SIGLEC12: variants seen among roughly 807,000 people sequenced by gnomAD.
The protein encoded by SIGLEC12 is sialic acid-binding Ig-like lectin 12.
SIGLEC12 carries 43 observed loss-of-function variants against 54.1 expected under a neutral mutation model. That is an observed-to-expected ratio of 0.80 (90% CI 0.62 to 1.03). The LOEUF (loss-of-function observed/expected upper bound fraction) is 1.03, where lower values mean the gene tolerates loss of function less well. SIGLEC12 is among the 50% of genes least tolerant of loss of function. SIGLEC12 has a pLI of 0.00. For missense variants in SIGLEC12, 802 were observed against 735.2 expected (o/e 1.09, Z -1.05); for synonymous variants, 357 against 307.6 (o/e 1.16, Z -1.68).
chr19:51,496,873 C>T lies in SIGLEC12; in HGVS notation c.1599+7G>A. On this transcript the variant is annotated splice_region_variant and intron_variant, in intron 7 of 7. Coordinates refer to ENST00000291707, the MANE Select transcript of SIGLEC12 (RefSeq NM_053003.4). ...GGGAGAAGGGCTGTGATTCAATGCT[C>T]ACTCACCTGAGAGGCTGAGCCCCTG... 6.2e-7 allele frequency: 1 copy of T among 1,613,582 alleles called. No homozygotes were observed. Among genetic ancestry groups the T allele is most frequent in the South Asian group, 1.1e-5 (1 of 91,076 alleles).
rs1262644615 is a variant in SIGLEC12 at position 51,499,224 on chromosome 19, C to G, written c.1088-7G>C. On this transcript the variant is annotated splice_polypyrimidine_tract_variant and splice_region_variant and intron_variant, in intron 3 of 7. Transcript: ENST00000291707. ...GTCAAGTTCTGAGGAGGATCTGGAA[C>G]AGAAAGACACGGAGTTCCCATCACT... 1 of 1,614,050 alleles carries G rather than the reference C, an allele frequency of 6.2e-7. No homozygotes were observed. The highest frequency in any genetic ancestry group is 1.1e-5 in the South Asian group (1 of 91,082).
chr19:51,497,918 G>A, intron 5 of SIGLEC12, 100 bp downstream of exon 5: 1 of 1,504,206 alleles, frequency 6.6e-7, no homozygotes, highest in South Asian at 1.3e-5. Context: ...GCAGCAAGAG[G>A]ACTGTGATGC....
chr19:51,499,500 C>G lies in SIGLEC12; in HGVS notation c.1025G>C (p.Cys342Ser). 1 of 1,608,166 alleles carries G rather than the reference C, an allele frequency of 6.2e-7. No homozygotes were observed. The highest frequency in any genetic ancestry group is 8.5e-7 in the Non-Finnish European group (1 of 1,177,398). ...GCCGGCCCCAGGCAAGGTCACCTGA[C>G]AGGTGAGGCTGGTGCCATGGTCCTG... ...QPQDHGTSLT[C>S]QVTLPGAGVT... is the part of the protein sequence containing the mutation. The change falls in exon 3 of 8, where the codon TGT becomes TCT. Residue 342 changes from cysteine (C) to serine (S), a missense_variant. By Grantham distance (112) the Cys-to-Ser change is moderately radical. Transcript: ENST00000291707.
chr19:51,492,763 A>G (rs1447531621), intron 7 of SIGLEC12, among the ~76,000 whole-genome samples: 1 of 152,158 alleles, frequency 6.6e-6, no homozygotes, highest in Non-Finnish European at 1.5e-5. Context: ...AAGGTGAGAA[A>G]GCGCATCCTC....
In SIGLEC12 at chr19:51,499,502, G is replaced by A. The variant is rs1189540562; in HGVS notation, c.1023C>T (p.Thr341=). 2 of 1,608,604 alleles carry A rather than the reference G, an allele frequency of 1.2e-6. No individual in the cohort carries two copies. Among genetic ancestry groups the A allele is most frequent in the Non-Finnish European group, 1.7e-6 (2 of 1,177,506 alleles). Residue 341 remains threonine (T), a synonymous_variant, in exon 3 of 8, where the codon ACC becomes ACT. Coordinates refer to ENST00000291707, the MANE Select transcript of SIGLEC12 (RefSeq NM_053003.4). ...PQPQDHGTSL[T]CQVTLPGAGV... ...CGGCCCCAGGCAAGGTCACCTGACAGGTGAGGCTGGTGCCATGGTCCTGGG... is the reference window on the plus strand; with the variant it reads ...CGGCCCCAGGCAAGGTCACCTGACAAGTGAGGCTGGTGCCATGGTCCTGGG...
At chr19:51,498,657 C>G (rs1990307628) in intron 4 of SIGLEC12, among the ~76,000 whole-genome samples, 1 of 152,154 alleles carries the variant, frequency 6.6e-6, no homozygotes, top group Admixed American at 6.5e-5. Context: ...ACTATTCAGA[C>G]AGTGGAATGA....
At position 51,491,364 on chromosome 19, in the gene SIGLEC12, T is replaced by C; in HGVS notation, c.*277A>G. 2 of 426,250 alleles carry C rather than the reference T, an allele frequency of 4.7e-6. No individual in the cohort carries two copies. The highest frequency in any genetic ancestry group is 8.5e-6 in the Non-Finnish European group (2 of 234,414). The allele number at this position is 426,250 out of a possible 1,614,324, so 26.4% of individuals were successfully genotyped here. ...GCCAGGTACAGAGAGACAAACACTC[T>C]ACGATCTCACTATATTTGGAACCTA... On this transcript the variant is annotated 3_prime_UTR_variant, in exon 8 of 8. Transcript: ENST00000291707.
intron 1 of SIGLEC12, among the ~76,000 whole-genome samples, chr19:51,500,909 C>T (rs967384469): frequency 1.3e-5 from 2 of 152,062 alleles, no homozygotes; most frequent in African/African-American, 4.8e-5. Flanking sequence ...ACTTAACCCC[C>T]CAGGACGTTT....
At chr19:51,497,156 G>A (rs1990264148) in intron 6 of SIGLEC12, among the ~76,000 whole-genome samples, 180 bp from the exon 7 acceptor site, 1 of 152,146 alleles carries the variant, frequency 6.6e-6, no homozygotes, top group Non-Finnish European at 1.5e-5. Context: ...GGGCAGTAGG[G>A]TCTGAGGTTT....
Position 51,491,822 on chromosome 19 carries a change from A to AG in SIGLEC12, c.1606dup (p.Leu536ProfsTer3). 1 of 1,564,718 alleles carries AG rather than the reference A, an allele frequency of 6.4e-7. No homozygotes were observed. The highest frequency in any genetic ancestry group is 1.4e-5 in the African/African-American group (1 of 73,748). On this transcript the variant is annotated frameshift_variant, in exon 8 of 8. Coordinates refer to ENST00000291707, the MANE Select transcript of SIGLEC12 (RefSeq NM_053003.4). LOFTEE classifies it low-confidence loss of function (END_TRUNC). Reference sequence around the variant, plus strand: ...GCTGTCATCTGCCGGGGATTCAATCAGGGGTCCCTGAATGGAGGAAGAGAA... The same window carrying AG: ...GCTGTCATCTGCCGGGGATTCAATCAGGGGGTCCCTGAATGGAGGAAGAGAA...
rs142884682 is a variant in SIGLEC12, at chr19:51,498,225, C to A, written c.1198G>T (p.Val400Phe). The stretch of plus-strand genomic sequence containing the variant: ...GGGGGATTGCTGTCGACAGCACAGA[C>A]AAGGTGCAGGGACTGGCCCTCCAGG... Reference protein sequence around the residue: ...SVLEGQSLHLVCAVDSNPPAR... With the variant: ...SVLEGQSLHLFCAVDSNPPAR... Residue 400 changes from valine (V) to phenylalanine (F), a missense_variant, in exon 5 of 8, where the codon GTC (valine) becomes TTC (phenylalanine). Transcript: ENST00000291707. 1.3e-5 allele frequency: 21 copies of A among 1,614,096 alleles called. No homozygotes were observed. Among genetic ancestry groups the A allele is most frequent in the Non-Finnish European group, 1.4e-5 (16 of 1,179,976 alleles).
rs1990401941 is a variant in SIGLEC12 at position 51,501,662 on chromosome 19, G to T, written c.72C>A (p.Tyr24Ter). Residue 24 changes from tyrosine to a stop codon, truncating the protein, a stop_gained, in exon 1 of 8, where the codon TAC becomes TAA. Coordinates refer to ENST00000291707, the MANE Select transcript of SIGLEC12 (RefSeq NM_053003.4). LOFTEE classifies it high-confidence loss of function. ...GRVGAKEQKD[Y>*]LLTMQKSVTV... ...TCACGGACTTCTGCATTGTCAGCAG[G>T]TAATCCTTCTGTTCCTTAGCCCCCA... 1 of 1,614,032 alleles carries T rather than the reference G, an allele frequency of 6.2e-7. No homozygotes were observed. The highest frequency in any genetic ancestry group is 1.3e-5 in the African/African-American group (1 of 74,910).
chr19:51,497,308 G>T, intron 6 of SIGLEC12, 41 bp downstream of exon 6: 1 of 1,556,648 alleles, frequency 6.4e-7, no homozygotes, highest in Non-Finnish European at 8.8e-7. Context: ...TTCCCAGCCT[G>T]CCCTCCCCCA....
At position 51,499,612 on chromosome 19, in the gene SIGLEC12, G is replaced by A. The variant is rs753692295; in HGVS notation, c.913C>T (p.Pro305Ser). ...GAGGCCCCCATCCAGGTGATCGTGG[G>A]GGGCGTCCCCTGTTCACAGGCCCAG... is the stretch of plus-strand genomic sequence containing the variant. ...VPWACEQGTP[P>S]TITWMGASVS... Residue 305 changes from proline to serine, a missense_variant, in exon 3 of 8, where the codon CCC (proline) becomes TCC (serine). Coordinates refer to ENST00000291707, the MANE Select transcript of SIGLEC12 (RefSeq NM_053003.4). 5.6e-6 allele frequency: 9 copies of A among 1,613,394 alleles called. No homozygotes were observed. Among genetic ancestry groups the A allele is most frequent in the Non-Finnish European group, 7.6e-6 (9 of 1,179,778 alleles).
intron 7 of SIGLEC12, among the ~76,000 whole-genome samples, chr19:51,495,645 A>G (rs1990224286): frequency 6.6e-6 from 1 of 152,038 alleles, no homozygotes; most frequent in South Asian, 2.1e-4. Context: ...ATTAGTTTTG[A>G]TTAGTTGATT....
chr19:51,498,350 C>T, intron 4 of SIGLEC12, 63 bp from the exon 5 acceptor site: 3 of 1,424,656 alleles, frequency 2.1e-6, no homozygotes, highest in Admixed American at 2.2e-5. Flanking sequence ...AGGAAGGATA[C>T]AGAAAGAGAG....
At position 51,498,127 on chromosome 19, in the gene SIGLEC12, C is replaced by G; in HGVS notation, c.1296G>C (p.Glu432Asp). 6.2e-7 allele frequency: 1 copy of G among 1,614,254 alleles called. No individual in the cohort carries two copies. Among genetic ancestry groups the G allele is most frequent in the South Asian group, 1.1e-5 (1 of 91,090 alleles). The change falls in exon 5 of 8, where the codon GAG (glutamate) becomes GAC (aspartate). Residue 432 changes from glutamate to aspartate, a missense_variant. By Grantham distance (45) the Glu-to-Asp change is conservative. Coordinates refer to ENST00000291707, the MANE Select transcript of SIGLEC12 (RefSeq NM_053003.4). ...CATCCTTCACATGCACTCGAGGCAG[C>G]TCCAGCACCCCAAGGTTCGAGGACT... ...PSQSSNLGVL[E>D]LPRVHVKDEG...
In SIGLEC12 at chr19:51,500,133, A is replaced by G; in HGVS notation, c.595T>C (p.Trp199Arg). 3 of 1,614,110 alleles carry G rather than the reference A, an allele frequency of 1.9e-6. No homozygotes were observed. Among genetic ancestry groups the G allele is most frequent in the South Asian group, 2.2e-5 (2 of 91,078 alleles). Residue 199 changes from tryptophan (W) to arginine (R), a missense_variant, in exon 2 of 8, where the codon TGG becomes CGG. Coordinates refer to ENST00000291707, the MANE Select transcript of SIGLEC12 (RefSeq NM_053003.4). The stretch of plus-strand genomic sequence containing the variant: ...GTGTTTGTGGCCACTGGAATATCCC[A>G]TGGTATATCGGCCCCTTCCTTGAAC... Reference protein sequence around the residue: ...SWFKEGADIPWDIPVATNTPS... With the variant: ...SWFKEGADIPRDIPVATNTPS...
Position 51,491,508 on chromosome 19 carries a change from G to T in SIGLEC12, c.*133C>A. 1 of 885,584 alleles carries T rather than the reference G, an allele frequency of 1.1e-6. No individual in the cohort carries two copies. Among genetic ancestry groups the T allele is most frequent in the Non-Finnish European group, 1.7e-6 (1 of 571,924 alleles). 54.9% of individuals were successfully genotyped at this position (885,584 alleles called of 1,614,324 possible). The stretch of plus-strand genomic sequence containing the variant: ...TTTGGTCATCAGGCACGCATTTTCA[G>T]TTTGACAAGAGGAATAAGTTCTGAT... On this transcript the variant is annotated 3_prime_UTR_variant, in exon 8 of 8. Coordinates refer to ENST00000291707, the MANE Select transcript of SIGLEC12 (RefSeq NM_053003.4).
Sources: allele counts gnomAD v4.1 joint callset (sites outside exome capture counted in the v4.1 genomes callset), GRCh38; gene constraint gnomAD v4.1.1; transcripts MANE v1.5; gene names NCBI Gene and HGNC (gene_info 2026-07-23, HGNC 2026-07-21).